Variants in UBE2D3 observed in about 807,000 individuals in gnomAD.
UBE2D3 encodes ubiquitin conjugating enzyme E2 D3.
In UBE2D3, 2 loss-of-function variants were observed where a neutral mutation model predicts 22.8. The ratio of observed to expected loss-of-function variants is 0.09; its 90% confidence interval spans 0.04 to 0.28. UBE2D3 has a LOEUF of 0.28. Ranked by LOEUF, UBE2D3 falls within the 10% of genes least tolerant of loss-of-function variation. UBE2D3 has a pLI of 1.00. For missense variants in UBE2D3, 27 were observed against 182.5 expected (o/e 0.15, Z 4.91); for synonymous variants, 56 against 60.4 (o/e 0.93, Z 0.34).
intron 1 of UBE2D3, among the ~76,000 whole-genome samples, chr4:102,860,260 A>G (rs1184859000): frequency 6.6e-6 from 1 of 151,740 alleles, no homozygotes; most frequent in East Asian, 1.9e-4. Flanking sequence ...ATTCTTTATC[A>G]GGTAATTTAT....
At chr4:102,809,766 T>C in intron 3 of UBE2D3, 26 bp downstream of exon 3, 1 of 1,613,396 alleles carries the variant, frequency 6.2e-7, no homozygotes, top group African/African-American at 1.3e-5. Flanking sequence ...AAATTAGGCA[T>C]AAAAATCAAC....
intron 5 of UBE2D3, 93 bp from the exon 6 acceptor site, chr4:102,801,652 T>C (rs1726168375): frequency 1.9e-6 from 2 of 1,050,850 alleles, no homozygotes; most frequent in South Asian, 3.3e-5. Context: ...GTTAAAAATG[T>C]CATCTATTAG....
At chr4:102,834,317 ATATAT>A (rs1731272019) in intron 1 of UBE2D3, among the ~76,000 whole-genome samples, 3 of 152,180 alleles carry the variant, frequency 2.0e-5, no homozygotes, top group African/African-American at 7.2e-5. Flanking sequence ...TTTAGTGTTT[ATATAT>A]GATTATAAGC....
rs894577793 is a variant in UBE2D3, at chr4:102,826,592, G to T, written c.-84C>A. 1.2e-6 allele frequency: 2 copies of T among 1,602,772 alleles called. No homozygotes were observed. Among genetic ancestry groups the T allele is most frequent in the African/African-American group, 2.7e-5 (2 of 74,716 alleles). ...AAACTCTTGATTATCCCGGCGGCGG[G>T]GCAGGATTGTCTCGTCTCACACCAG... On this transcript the variant is annotated 5_prime_UTR_variant, in exon 2 of 8. Coordinates refer to ENST00000453744, the MANE Select transcript of UBE2D3 (RefSeq NM_181891.3).
intron 1 of UBE2D3, among the ~76,000 whole-genome samples, chr4:102,835,894 A>T (rs1189333319): frequency 6.6e-6 from 1 of 152,100 alleles, no homozygotes; most frequent in Non-Finnish European, 1.5e-5. Flanking sequence ...TGTCTTCTTA[A>T]CCCACAGGAC....
At chr4:102,804,964 C>T (rs1048888937) in intron 4 of UBE2D3, among the ~76,000 whole-genome samples, 7 of 152,226 alleles carry the variant, frequency 4.6e-5, no homozygotes, top group Admixed American at 6.5e-5. Context: ...GGATTACAGT[C>T]GTGAGCCACC....
At chr4:102,825,138 TGTA>T in intron 2 of UBE2D3, 1 of 552,534 alleles carries the variant, frequency 1.8e-6, no homozygotes, top group Non-Finnish European at 2.3e-6. Flanking sequence ...TACAGGCAAA[TGTA>T]GTATCAGGTC....
intron 4 of UBE2D3, 55 bp downstream of exon 4, chr4:102,809,617 C>A (rs1727634948): frequency 6.0e-6 from 9 of 1,506,400 alleles, no homozygotes; most frequent in African/African-American, 1.4e-5. Context: ...AAATTACAAC[C>A]AAATCAATGC....
intron 6 of UBE2D3, among the ~76,000 whole-genome samples, chr4:102,800,683 TAA>T (rs949594948): frequency 1.3e-5 from 2 of 152,080 alleles, no homozygotes; most frequent in African/African-American, 4.8e-5. Flanking sequence ...TTCTACTCAA[TAA>T]AGTTTGGGAA....
At chr4:102,807,155 C>A (rs562845191) in intron 4 of UBE2D3, among the ~76,000 whole-genome samples, 1 of 152,172 alleles carries the variant, frequency 6.6e-6, no homozygotes, top group Non-Finnish European at 1.5e-5. Context: ...GCAAAAGTGA[C>A]GTTGTTAACT....
At chr4:102,835,059 C>G (rs926595586) in intron 1 of UBE2D3, among the ~76,000 whole-genome samples, 2 of 152,148 alleles carry the variant, frequency 1.3e-5, no homozygotes, top group African/African-American at 4.8e-5. Flanking sequence ...TTATCACAGT[C>G]TACAGAACCA....
intron 7 of UBE2D3, among the ~76,000 whole-genome samples, chr4:102,799,145 C>A (rs964197624): frequency 3.3e-5 from 5 of 151,468 alleles, no homozygotes; most frequent in African/African-American, 9.7e-5. Context: ...TGCTTTCTTC[C>A]CCAAAAGTTG....
chr4:102,825,220 C>T, intron 2 of UBE2D3: 1 of 985,304 alleles, frequency 1.0e-6, no homozygotes. Flanking sequence ...CTATTAAAAC[C>T]AAAGTTTCTA....
intron 7 of UBE2D3, among the ~76,000 whole-genome samples, chr4:102,797,817 C>A (rs1725442592): frequency 6.6e-6 from 1 of 151,868 alleles, no homozygotes. Flanking sequence ...AAATAGTATA[C>A]ACATTCTATC....
chr4:102,829,976 T>A (rs223384), upstream of UBE2D3, among the ~76,000 whole-genome samples: 82,811 of 152,074 alleles, frequency 0.54, 23,134 homozygotes, highest in African/African-American at 0.68. Context: ...AGATTATCCA[T>A]GCTTATAAAG....
intron 1 of UBE2D3, among the ~76,000 whole-genome samples, chr4:102,853,966 T>C (rs1245897637): frequency 6.6e-6 from 1 of 152,198 alleles, no homozygotes; most frequent in Non-Finnish European, 1.5e-5. Context: ...ACTCAGTAAA[T>C]GTTAGTTGAA....
intron 1 of UBE2D3, among the ~76,000 whole-genome samples, chr4:102,846,701 G>A (rs1732054950): frequency 6.6e-6 from 1 of 152,120 alleles, no homozygotes. Context: ...GTGCAGTGGT[G>A]TGATCATGGC....
At chr4:102,808,343 A>T (rs1727390191) in intron 4 of UBE2D3, among the ~76,000 whole-genome samples, 1 of 152,218 alleles carries the variant, frequency 6.6e-6, no homozygotes, top group Non-Finnish European at 1.5e-5. Flanking sequence ...TATTAAAATT[A>T]AACAATATTG....
upstream of UBE2D3, among the ~76,000 whole-genome samples, chr4:102,829,880 G>A (rs1731020557): frequency 6.6e-6 from 1 of 152,088 alleles, no homozygotes; most frequent in African/African-American, 2.4e-5. Context: ...CGGAGGTTGC[G>A]GTGGGCCAAG....
Sources: allele counts gnomAD v4.1 joint callset (sites outside exome capture counted in the v4.1 genomes callset), GRCh38; gene constraint gnomAD v4.1.1; transcripts MANE v1.5; gene names NCBI Gene and HGNC (gene_info 2026-07-23, HGNC 2026-07-21).